Variants in CDH23 observed in about 807,000 individuals in gnomAD.
The protein encoded by CDH23 is cadherin-23.
A neutral mutation model predicts 317.1 loss-of-function variants in CDH23; 189 were observed. The ratio of observed to expected loss-of-function variants is 0.60; its 90% CI spans 0.53 to 0.67. The LOEUF is 0.67. Among genes scored for constraint, CDH23 ranks in the 30% least tolerant of loss-of-function variants. The pLI is 0.00. For synonymous variants in CDH23, 1,839 were observed against 1,876.8 expected, an observed-to-expected ratio of 0.98 and a Z score of 0.52; for missense variants, 4,401 against 4,592.4, an observed-to-expected ratio of 0.96 and a Z score of 1.20.
At chr10:71,670,894 A>G (rs1474600797) in intron 14 of CDH23, among the ~76,000 whole-genome samples, 1 of 151,818 alleles carries the variant, frequency 6.6e-6, no homozygotes, top group Non-Finnish European at 1.5e-5. Flanking sequence ...CAACAGAGAC[A>G]CAGAAACACC....
At chr10:71,758,800 G>A (rs1589401880) in intron 38 of CDH23, among the ~76,000 whole-genome samples, 1 of 152,318 alleles carries the variant, frequency 6.6e-6, no homozygotes, top group East Asian at 1.9e-4. Flanking sequence ...GTCAAGGTGG[G>A]AAGATCAATT....
intron 57 of CDH23, among the ~76,000 whole-genome samples, chr10:71,806,752 T>A (rs1313758138): frequency 6.6e-6 from 1 of 152,172 alleles, no homozygotes; most frequent in Non-Finnish European, 1.5e-5. Flanking sequence ...AATTTTTGTA[T>A]TTCTAGTAGA....
intron 38 of CDH23, chr10:71,750,377 T>C (rs1839963960): frequency 6.6e-6 from 1 of 150,732 alleles, no homozygotes; most frequent in South Asian, 2.1e-4. Flanking sequence ...TGTCCCAGGG[T>C]GGACAAGACA....
At position 71,617,297 on chromosome 10, in the gene CDH23, G is replaced by A. The variant is rs74608315; in HGVS notation, c.1038G>A (p.Pro346=). The A allele has an allele frequency of 0.012, 19,056 of 1,613,950 alleles. 354 individuals are homozygous for A. The highest frequency in any genetic ancestry group is 0.08 in the East Asian group (3,577 of 44,880). ...ILVIDINDNA[P]EFNSSEYSVA... is the part of the protein sequence containing the mutation. Reference sequence around the variant, plus strand: ...TTATTGACATCAATGACAATGCCCCGGAGTTCAACAGCTCCGAGTACAGCG... The same window carrying A: ...TTATTGACATCAATGACAATGCCCCAGAGTTCAACAGCTCCGAGTACAGCG... Residue 346 remains proline (P), a synonymous_variant, in exon 11 of 70, where the codon CCG becomes CCA. Transcript: ENST00000224721.
chr10:71,735,306 GC>G (rs1295352696), intron 34 of CDH23, among the ~76,000 whole-genome samples: 1 of 152,170 alleles, frequency 6.6e-6, no homozygotes, highest in African/African-American at 2.4e-5. Context: ...CTAAGTAAAG[GC>G]AGAGAAGACC....
chr10:71,638,794 G>A (rs1027740937), intron 11 of CDH23, among the ~76,000 whole-genome samples: 13 of 152,238 alleles, frequency 8.5e-5, no homozygotes, highest in African/African-American at 2.9e-4. Flanking sequence ...ACTCAGGTCG[G>A]CTGGCTCTGG....
At position 71,811,498 on chromosome 10, in the gene CDH23, C is replaced by A. The variant is rs375383509; in HGVS notation, c.9199-13C>A. 1.9e-6 allele frequency: 3 copies of A among 1,613,874 alleles called. No individual in the cohort carries two copies. In the African/African-American group the frequency reaches 4.0e-5, roughly 22 times the overall value. ...CCCCACTGCCCGGGCTTACCCTGGT[C>A]CTGCTCCCGCAGATGGCGATCATCG... On this transcript the variant is annotated splice_polypyrimidine_tract_variant and intron_variant, in intron 63 of 69. Transcript: ENST00000224721.
At chr10:71,562,023 A>G (rs1857157895) in intron 6 of CDH23, among the ~76,000 whole-genome samples, 1 of 152,106 alleles carries the variant, frequency 6.6e-6, no homozygotes, top group South Asian at 2.1e-4. Context: ...AGGTGTTGGA[A>G]GAAGCTACCC....
chr10:71,671,518 T>C (rs1864145737), intron 14 of CDH23, among the ~76,000 whole-genome samples: 1 of 152,242 alleles, frequency 6.6e-6, no homozygotes, highest in South Asian at 2.1e-4. Flanking sequence ...TCACTGTCTG[T>C]CTGCCACTTT....
intron 3 of CDH23, among the ~76,000 whole-genome samples, chr10:71,497,060 T>A (rs145806084): frequency 5.8e-4 from 88 of 152,238 alleles, no homozygotes; most frequent in African/African-American, 2.0e-3. Context: ...TCTTGAGCTA[T>A]GGGGAGGGTG....
At chr10:71,631,869 A>G (rs1862028789) in intron 11 of CDH23, among the ~76,000 whole-genome samples, 1 of 152,180 alleles carries the variant, frequency 6.6e-6, no homozygotes, top group African/African-American at 2.4e-5. Context: ...TCTCAAAGGC[A>G]TTGTGCTGAA....
At chr10:71,492,175 C>A (rs1301955987) in intron 3 of CDH23, among the ~76,000 whole-genome samples, 1 of 152,128 alleles carries the variant, frequency 6.6e-6, no homozygotes, top group Non-Finnish European at 1.5e-5. Flanking sequence ...GTGTAGGGGC[C>A]AATCTCTGGG....
intron 1 of CDH23, among the ~76,000 whole-genome samples, chr10:71,411,017 T>G (rs1452061281): frequency 1.3e-5 from 2 of 152,254 alleles, no homozygotes; most frequent in African/African-American, 4.8e-5. Context: ...CAACACAAGC[T>G]TTAGAGCTTA....
At chr10:71,730,980 T>C (rs999472339) in intron 31 of CDH23, among the ~76,000 whole-genome samples, 1 of 152,260 alleles carries the variant, frequency 6.6e-6, no homozygotes, top group East Asian at 1.9e-4. Context: ...CTCCAGCCCC[T>C]CCACGCCTTC....
chr10:71,694,686 G>A (rs1311324139), intron 21 of CDH23, among the ~76,000 whole-genome samples: 1 of 152,138 alleles, frequency 6.6e-6, no homozygotes, highest in Non-Finnish European at 1.5e-5. Context: ...ATGTGCCCCA[G>A]AGAGTAGAAA....
intron 6 of CDH23, among the ~76,000 whole-genome samples, chr10:71,560,212 G>A (rs1438718084): frequency 6.6e-6 from 1 of 152,136 alleles, no homozygotes; most frequent in Non-Finnish European, 1.5e-5. Flanking sequence ...AGAAACCGAA[G>A]TGCAGATGTT....
rs180754259 is a variant in CDH23, at chr10:71,646,971, T to A, written c.1449+354T>A. The A allele has an allele frequency of 6.4e-5, 63 of 985,180 alleles. No homozygotes were observed. In the African/African-American group the frequency reaches 1.0e-3, roughly 16 times the overall value. 61.0% of individuals were successfully genotyped at this position (985,180 alleles called of 1,614,324 possible). ...GCCATCCTTGAGAAGGGCAACCCTC[T>A]CCATGTGAGCACAGGCACCAGAGAG... On this transcript the variant is annotated intron_variant, in intron 14 of 69. Coordinates refer to ENST00000224721, the MANE Select transcript of CDH23 (RefSeq NM_022124.6).
intron 6 of CDH23, among the ~76,000 whole-genome samples, chr10:71,527,490 T>C (rs1050936181): frequency 2.0e-5 from 3 of 152,180 alleles, no homozygotes; most frequent in Admixed American, 6.5e-5. Flanking sequence ...AGGTGTGACG[T>C]GGGACGGGAC....
chr10:71,774,845 A>G (rs1394615621), intron 38 of CDH23, among the ~76,000 whole-genome samples: 1 of 152,224 alleles, frequency 6.6e-6, no homozygotes, highest in African/African-American at 2.4e-5. Flanking sequence ...GAACCAGGGT[A>G]TCAGGACTCA....
Sources: gnomAD v4.1 joint callset for allele counts (sites outside exome capture counted in the v4.1 genomes callset) on GRCh38, gnomAD v4.1.1 for gene constraint, MANE v1.5 for transcripts, NCBI Gene and HGNC (gene_info 2026-07-23, HGNC 2026-07-21) for gene names.